The following DNAH7 variants were observed in gnomAD, a reference collection of about 807,000 sequenced individuals.
DNAH7 encodes the protein dynein axonemal heavy chain 7.
DNAH7 carries 397 observed loss-of-function variants against 444.6 expected under a neutral mutation model. The observed-to-expected ratio is 0.89, with a 90% CI of 0.82 to 0.97. The LOEUF is 0.97. Ranked by LOEUF, DNAH7 falls within the 50% of genes least tolerant of loss-of-function variation. DNAH7 has a pLI of 0.00. For synonymous variants in DNAH7, 1,636 were observed against 1,624.4 expected (o/e 1.01, Z -0.17); for missense variants, 4,902 against 4,800.8 (o/e 1.02, Z -0.62).
At chr2:195,886,964 A>G (rs1701745365) in intron 33 of DNAH7, among the ~76,000 whole-genome samples, 1 of 152,184 alleles carries the variant, frequency 6.6e-6, no homozygotes, top group Admixed American at 6.5e-5. Flanking sequence ...AGGTGACTTC[A>G]TGTTCAGTTG....
chr2:195,750,977 G>T (rs184166157), intron 63 of DNAH7, among the ~76,000 whole-genome samples: 2 of 152,024 alleles, frequency 1.3e-5, no homozygotes, highest in Admixed American at 1.3e-4. Flanking sequence ...ATATTTATTA[G>T]TGTCTTTTAT....
intron 58 of DNAH7, among the ~76,000 whole-genome samples, chr2:195,784,969 G>A (rs1460208672): frequency 1.3e-5 from 2 of 149,994 alleles, no homozygotes; most frequent in Non-Finnish European, 3.0e-5. Context: ...GGAGTGCAGT[G>A]GGCATGATCT....
At chr2:195,825,962 T>G (rs979711402) in intron 48 of DNAH7, among the ~76,000 whole-genome samples, 1 of 152,234 alleles carries the variant, frequency 6.6e-6, no homozygotes, top group African/African-American at 2.4e-5. Context: ...AGATTATTTT[T>G]GAACTCATTT....
intron 15 of DNAH7, among the ~76,000 whole-genome samples, chr2:195,980,061 C>A (rs1400328105): frequency 4.0e-4 from 30 of 75,024 alleles, no homozygotes; most frequent in African/African-American, 5.2e-4. Flanking sequence ...CAAACTAATA[C>A]AAAAAAAAAA....
At chr2:195,800,411 C>A (rs1413260372) in intron 54 of DNAH7, among the ~76,000 whole-genome samples, 2 of 152,116 alleles carry the variant, frequency 1.3e-5, no homozygotes, top group South Asian at 2.1e-4. Flanking sequence ...AAAGTAGCTA[C>A]TTTAAAGAAG....
chr2:195,860,467 G>T (rs561082932), intron 42 of DNAH7, among the ~76,000 whole-genome samples: 2 of 151,972 alleles, frequency 1.3e-5, no homozygotes, highest in Non-Finnish European at 2.9e-5. Flanking sequence ...CAGCAGTCAC[G>T]GTGGGCACTG....
intron 1 of DNAH7, among the ~76,000 whole-genome samples, chr2:196,059,383 A>C (rs578105817): frequency 6.6e-6 from 1 of 152,228 alleles, no homozygotes; most frequent in Non-Finnish European, 1.5e-5. Context: ...AAAGCAGATA[A>C]TATGAGTTGT....
chr2:195,852,491 C>A (rs1699431254), intron 46 of DNAH7, among the ~76,000 whole-genome samples: 2 of 152,100 alleles, frequency 1.3e-5, no homozygotes, highest in African/African-American at 4.8e-5. Flanking sequence ...ATTATCATCC[C>A]TCCCATTTTT....
intron 36 of DNAH7, among the ~76,000 whole-genome samples, chr2:195,881,319 G>C (rs1487699155): frequency 6.6e-6 from 1 of 152,130 alleles, no homozygotes; most frequent in African/African-American, 2.4e-5. Context: ...TCCTCCACAG[G>C]CTGCATAAAG....
chr2:195,820,170 G>A (rs1170489387), intron 49 of DNAH7, among the ~76,000 whole-genome samples: 1 of 152,022 alleles, frequency 6.6e-6, no homozygotes, highest in African/African-American at 2.4e-5. Flanking sequence ...GGCAATATTA[G>A]AAATACTTGT....
rs536684759 is a variant in DNAH7 at position 195,766,575 on chromosome 2, G to A, written c.11433+5085C>T. ...GTAGGTAGGGTTAATAGTAGGGATG[G>A]TTAATGAATATTTTAAAAAATGAAA... On this transcript the variant is annotated intron_variant, in intron 61 of 64. Coordinates refer to ENST00000312428, the MANE Select transcript of DNAH7 (RefSeq NM_018897.3). Among the ~76,000 whole-genome samples, 459 of 152,068 alleles carry A rather than the reference G, an allele frequency of 3.0e-3. 3 individuals carry two copies. Among genetic ancestry groups the A allele is most frequent in the African/African-American group, 0.011 (439 of 41,478 alleles).
At chr2:196,002,650 C>A (rs948453210) in intron 10 of DNAH7, among the ~76,000 whole-genome samples, 6 of 152,052 alleles carry the variant, frequency 3.9e-5, no homozygotes, top group Non-Finnish European at 7.4e-5. Flanking sequence ...ATTTATTCAT[C>A]CCTTTAACAA....
rs760091921 is a variant in DNAH7, at chr2:195,960,442, CT to C, written c.2708del (p.Lys903ArgfsTer6). Reference sequence around the variant, plus strand: ...ACTCAGTAATCATCTTCTCCATCGCCTTTTCAAGAGAATATTCTTTGCTAGC... The same window carrying C: ...ACTCAGTAATCATCTTCTCCATCGCCTTTCAAGAGAATATTCTTTGCTAGC... ...EAASKEYSLE[K>X]AMEKMITEWD... On this transcript the variant is annotated frameshift_variant, in exon 18 of 65. Transcript: ENST00000312428. LOFTEE classifies it high-confidence loss of function. 2.5e-6 allele frequency: 4 copies of C among 1,614,216 alleles called. No individual in the cohort carries two copies. In the South Asian group the frequency reaches 4.4e-5, roughly 18 times the overall value.
rs201243808 is a variant in DNAH7, at chr2:195,861,849, T to C, written c.7604A>G (p.Lys2535Arg). The C allele has an allele frequency of 2.2e-4, 353 of 1,613,944 alleles. 3 individuals are homozygous for C. In the African/African-American group the frequency reaches 4.3e-3, roughly 20 times the overall value. ...ATCTATAGTAGAAGTGTGGAAGCTT[T>C]TACACATGTCGATACAGCCATCTCG... is the stretch of plus-strand genomic sequence containing the variant. ...EIRDGCIDMC[K>R]SFHTSTIDLS... The change falls in exon 42 of 65, where the codon AAA (lysine) becomes AGA (arginine). Residue 2535 changes from lysine to arginine, a missense_variant. Coordinates refer to ENST00000312428, the MANE Select transcript of DNAH7 (RefSeq NM_018897.3).
At chr2:195,921,821 AG>A (rs1458607114) in intron 24 of DNAH7, among the ~76,000 whole-genome samples, 1 of 152,172 alleles carries the variant, frequency 6.6e-6, no homozygotes, top group Non-Finnish European at 1.5e-5. Context: ...TCCAAGAAAA[AG>A]TCAGAAAGTT....
chr2:195,768,216 T>A (rs190663430), intron 61 of DNAH7, among the ~76,000 whole-genome samples: 103 of 147,972 alleles, frequency 7.0e-4, no homozygotes, highest in African/African-American at 2.3e-3. Context: ...TAAATATATA[T>A]CTTTAAGATA....
At chr2:195,900,848 T>G (rs925166817) in intron 27 of DNAH7, 1 of 189,232 alleles carries the variant, frequency 5.3e-6, no homozygotes, top group South Asian at 1.1e-4. Flanking sequence ...AGGTGATAGA[T>G]ACACTATACC....
At position 195,845,092 on chromosome 2, in the gene DNAH7, C is replaced by G. The variant is rs965763337; in HGVS notation, c.8855G>C (p.Gly2952Ala). Residue 2952 changes from glycine to alanine, a missense_variant, in exon 47 of 65, where the codon GGT becomes GCT. By Grantham distance (60) the Gly-to-Ala change is moderately conservative. Coordinates refer to ENST00000312428, the MANE Select transcript of DNAH7 (RefSeq NM_018897.3). ...IPCSDDCSLMGTLGEAVTIRT... is the reference protein window; with the variant it reads ...IPCSDDCSLMATLGEAVTIRT... ...AATTGTCACAGCTTCTCCCAGGGTA[C>G]CCATAAGAGAGCAATCATCTGAGCA... 8 of 1,613,670 alleles carry G rather than the reference C, an allele frequency of 5.0e-6. No individual in the cohort carries two copies. Among genetic ancestry groups the G allele is most frequent in the Non-Finnish European group, 6.8e-6 (8 of 1,179,862 alleles).
rs894740578 is a variant in DNAH7, at chr2:196,012,843, A to C, written c.933T>G (p.Ser311Arg). The change falls in exon 10 of 65, where the codon AGT (serine) becomes AGG (arginine). Residue 311 changes from serine (S) to arginine (R), a missense_variant. By Grantham distance (110) the Ser-to-Arg change is moderately radical (BLOSUM62 -1). Transcript: ENST00000312428. The stretch of plus-strand genomic sequence containing the variant: ...TGTGTCTCATGATAATGTTCTGAAA[A>C]CTTGACAGCTCTAATGCATCCTGGC... The part of the protein sequence containing the change: ...HNCQDALELS[S>R]FQNIIMRHMD... 1.3e-6 allele frequency: 2 copies of C among 1,577,614 alleles called. No homozygotes were observed. Among genetic ancestry groups the C allele is most frequent in the Non-Finnish European group, 1.7e-6 (2 of 1,163,894 alleles).
Sources: gnomAD v4.1 joint callset for allele counts (sites outside exome capture counted in the v4.1 genomes callset) on GRCh38, gnomAD v4.1.1 for gene constraint, MANE v1.5 for transcripts, NCBI Gene and HGNC (gene_info 2026-07-23, HGNC 2026-07-21) for gene names.